Variants in TFPT observed in about 807,000 individuals in gnomAD.
The protein encoded by TFPT is INO80 complex subunit F.
Under a neutral mutation model 28.8 loss-of-function variants are expected in TFPT, and 27 were observed. That is an observed-to-expected ratio of 0.94 (90% CI 0.69 to 1.29). The LOEUF (loss-of-function observed/expected upper bound fraction) is 1.29. Among genes scored for constraint, TFPT ranks in the 50% most tolerant of loss-of-function variants. The pLI is 0.00. For missense variants in TFPT, 330 were observed against 338.0 expected, an observed-to-expected ratio of 0.98 and a Z score of 0.19; for synonymous variants, 152 against 142.8, an observed-to-expected ratio of 1.06 and a Z score of -0.46.
In TFPT at chr19:54,115,132, T is replaced by G. The variant is rs187452876; in HGVS notation, c.23+115A>C. On this transcript the variant is annotated intron_variant, in intron 1 of 5. Transcript: ENST00000391759. ...ATAAAAGGGTTCTAAGGTAAAGCAG[T>G]TGCATGAACTACAACCCCCATCAGA... The G allele has an allele frequency of 1.1e-3, 1,576 of 1,499,252 alleles. 1 individual carries two copies. Among genetic ancestry groups the G allele is most frequent in the Non-Finnish European group, 1.4e-3 (1,485 of 1,078,194 alleles). 92.9% of individuals were successfully genotyped at this position (1,499,252 alleles called of 1,614,324 possible). A position where few individuals can be genotyped will look rare whatever the true frequency, so the allele number is the denominator to read the frequency against.
At position 54,107,055 on chromosome 19, in the gene TFPT, C is replaced by G. The variant is rs749420696; in HGVS notation, c.757G>C (p.Asp253His). 4.3e-6 allele frequency: 7 copies of G among 1,613,402 alleles called. No homozygotes were observed. ...GTCAGTTTATTGGGCATGCGTCAGT[C>G]AGAGGCTGGGCTGGCCAGGGTCGGG... The part of the protein sequence containing the change: ...PYPTLASPAS[D>H] Residue 253 changes from aspartate to histidine, a missense_variant, in exon 6 of 6, where the codon GAC (aspartate) becomes CAC (histidine). Physicochemically the swap from Asp to His is moderately conservative, Grantham distance 81. Transcript: ENST00000391759.
At chr19:54,111,259 C>A (rs254268) in intron 2 of TFPT, among the ~76,000 whole-genome samples, 24,344 of 152,050 alleles carry the variant, frequency 0.16, 2,062 homozygotes, top group Admixed American at 0.21. Flanking sequence ...ACCTGAGTTC[C>A]GGGCGGGGCA....
At position 54,114,543 on chromosome 19, in the gene TFPT, C is replaced by G; in HGVS notation, c.181G>C (p.Asp61His). 6.2e-7 allele frequency: 1 copy of G among 1,614,116 alleles called. No homozygotes were observed. The highest frequency in any genetic ancestry group is 8.5e-7 in the Non-Finnish European group (1 of 1,180,034). ...CCCCGGGCTGCCTCTTCCTCTTCAT[C>G]TCGCTCCCGGAGCCCTGAGCCGCCC... is the stretch of plus-strand genomic sequence containing the variant. ...GLGGSGLRERDEEEEAARGRR... is the reference protein window; with the variant it reads ...GLGGSGLRERHEEEEAARGRR... The change falls in exon 2 of 6, where the codon GAT becomes CAT. Residue 61 changes from aspartate (D) to histidine (H), a missense_variant. Asp to His is a moderately conservative substitution (Grantham distance 81). Coordinates refer to ENST00000391759, the MANE Select transcript of TFPT (RefSeq NM_013342.4).
intron 2 of TFPT, 50 bp downstream of exon 2, chr19:54,114,392 G>A: frequency 6.4e-7 from 1 of 1,570,234 alleles, no homozygotes; most frequent in Non-Finnish European, 8.6e-7. Context: ...TGCGGGGGGC[G>A]GTAGTTTAGG....
intron 3 of TFPT, among the ~76,000 whole-genome samples, 157 bp downstream of exon 3, chr19:54,109,894 C>T (rs587624544): frequency 3.5e-5 from 1 of 28,254 alleles, no homozygotes; most frequent in South Asian, 8.4e-4. Flanking sequence ...CCGAATCCCA[C>T]TCTTCCTCCT....
At chr19:54,111,579 C>T (rs2073456374) in intron 2 of TFPT, among the ~76,000 whole-genome samples, 2 of 150,400 alleles carry the variant, frequency 1.3e-5, no homozygotes, top group Admixed American at 6.6e-5. Flanking sequence ...TCTCAGGAGG[C>T]TGAGGCAGGA....
chr19:54,114,729 C>A (rs747049390), intron 1 of TFPT, 29 bp from the exon 2 acceptor site: 2 of 1,594,262 alleles, frequency 1.3e-6, no homozygotes, highest in Non-Finnish European at 8.5e-7. Context: ...CTCAGGGGCC[C>A]TGGATCCTGG....
rs139256063 is a variant in TFPT, at chr19:54,108,654, G to A, written c.354-259C>T. Reference sequence around the variant, plus strand: ...GACACCCTCGGCTGGATGTTGCAGCGGTGACACTGAAGTAGTGACACCAGA... The same window carrying A: ...GACACCCTCGGCTGGATGTTGCAGCAGTGACACTGAAGTAGTGACACCAGA... On this transcript the variant is annotated intron_variant, in intron 3 of 5. Transcript: ENST00000391759. 2,196 of 1,441,516 alleles carry A rather than the reference G, an allele frequency of 1.5e-3. 3 individuals carry two copies. The highest frequency in any genetic ancestry group is 0.01 in the Middle Eastern group (55 of 5,358). The allele number at this position is 1,441,516 out of a possible 1,614,324, so 89.3% of individuals were successfully genotyped here. A position where few individuals can be genotyped will look rare whatever the true frequency, so the allele number is the denominator to read the frequency against.
intron 2 of TFPT, among the ~76,000 whole-genome samples, chr19:54,111,457 G>C (rs57911619): frequency 0.83 from 123,066 of 148,864 alleles, 50,992 homozygotes; most frequent in African/African-American, 0.89. Flanking sequence ...GTCGGGAGTT[G>C]CAGACCAGCC....
intron 2 of TFPT, among the ~76,000 whole-genome samples, chr19:54,111,107 A>C (rs1209127814): frequency 6.6e-6 from 1 of 152,174 alleles, no homozygotes; most frequent in Non-Finnish European, 1.5e-5. Flanking sequence ...GGGTGACAGG[A>C]GGAAAGTATG....
At chr19:54,110,711 A>T (rs369543785) in intron 2 of TFPT, among the ~76,000 whole-genome samples, 2 of 151,754 alleles carry the variant, frequency 1.3e-5, no homozygotes, top group African/African-American at 2.4e-5. Flanking sequence ...CAAAAAAAAA[A>T]ATTGCAACAC....
intron 2 of TFPT, among the ~76,000 whole-genome samples, chr19:54,112,405 G>A (rs587761376): frequency 9.9e-5 from 15 of 152,260 alleles, no homozygotes; most frequent in African/African-American, 3.4e-4. Flanking sequence ...AGTTGAGTCC[G>A]TTTGGGCCTT....
chr19:54,115,620 G>A lies in TFPT; in HGVS notation c.-351C>T, dbSNP rs910911514. 19 of 429,146 alleles carry A rather than the reference G, an allele frequency of 4.4e-5. No homozygotes were observed. The highest frequency in any genetic ancestry group is 3.6e-4 in the African/African-American group (18 of 50,304). 26.6% of individuals were successfully genotyped at this position (429,146 alleles called of 1,614,324 possible). A position where few individuals can be genotyped will look rare whatever the true frequency, so the allele number is the denominator to read the frequency against. ...GGACGTGAGTCCCTTTCCTCCTCGC[G>A]GCTTACCGCCTCTCTCCGCCTAGTG... On this transcript the variant is annotated 5_prime_UTR_variant, in exon 1 of 6. Transcript: ENST00000391759.
At chr19:54,109,827 T>A (rs796384296) in intron 3 of TFPT, among the ~76,000 whole-genome samples, 2,932 of 53,792 alleles carry the variant, frequency 0.055, 41 homozygotes, top group African/African-American at 0.092. Context: ...GTCCCAGTGC[T>A]CAGCCCTCTC....
At chr19:54,109,918 C>CCCTTCCA in intron 3 of TFPT, 133 bp downstream of exon 3, 2 of 891,888 alleles carry the variant, frequency 2.2e-6, no homozygotes, top group Non-Finnish European at 3.6e-6. Context: ...TTGCCTCAGC[C>CCCTTCCA]CCCGGCCCTC....
chr19:54,112,305 T>G lies in TFPT; in HGVS notation c.282+2137A>C, dbSNP rs372292198. On this transcript the variant is annotated intron_variant, in intron 2 of 5. Transcript: ENST00000391759. ...GCCACTGCTGAGCTCTGAGCTTGGG[T>G]GCATTACTTAACCTCTCTGAGCCTT... Among the ~76,000 whole-genome samples, 49 of 151,474 alleles carry G rather than the reference T, an allele frequency of 3.2e-4. No homozygotes were observed. In the East Asian group the frequency reaches 5.1e-3, roughly 16 times the overall value.
chr19:54,114,387 G>T (rs2073550482), intron 2 of TFPT, 55 bp downstream of exon 2: 3 of 1,564,104 alleles, frequency 1.9e-6, no homozygotes, highest in African/African-American at 2.7e-5. Flanking sequence ...GAGATTGCGG[G>T]GGGCGGTAGT....
intron 3 of TFPT, 137 bp from the exon 4 acceptor site, chr19:54,108,532 C>T: frequency 6.2e-7 from 1 of 1,612,062 alleles, no homozygotes; most frequent in South Asian, 1.1e-5. Context: ...AGCTCTGGCA[C>T]TGGAGGCCTG....
At chr19:54,114,332 T>C in intron 2 of TFPT, 110 bp downstream of exon 2, 1 of 1,478,058 alleles carries the variant, frequency 6.8e-7, no homozygotes, top group Non-Finnish European at 9.0e-7. Flanking sequence ...GCTAAATGAC[T>C]GAATATATCA....
Sources: gnomAD v4.1 joint callset for allele counts (sites outside exome capture counted in the v4.1 genomes callset) on GRCh38, gnomAD v4.1.1 for gene constraint, MANE v1.5 for transcripts, NCBI Gene and HGNC (gene_info 2026-07-23, HGNC 2026-07-21) for gene names.